The following KIRREL3 variants were observed in gnomAD, a reference collection of about 807,000 sequenced individuals.
The protein encoded by KIRREL3 is kirre like nephrin family adhesion molecule 3.
Under a neutral mutation model 89.7 loss-of-function variants are expected in KIRREL3, and 36 were observed. The ratio of observed to expected loss-of-function variants is 0.40; its 90% confidence interval spans 0.31 to 0.53. The LOEUF is 0.53. Among genes scored for constraint, KIRREL3 ranks in the 20% least tolerant of loss-of-function variants. The pLI, the probability that KIRREL3 is intolerant of heterozygous loss-of-function variation, is 0.49. For missense variants in KIRREL3, 864 were observed against 1,056.6 expected (o/e 0.82, Z 2.53); for synonymous variants, 445 against 441.4 (o/e 1.01, Z -0.10).
intron 1 of KIRREL3, among the ~76,000 whole-genome samples, chr11:126,690,087 T>G (rs1946820552): frequency 6.6e-6 from 1 of 152,180 alleles, no homozygotes; most frequent in Admixed American, 6.5e-5. Context: ...GACTGAGATG[T>G]TTTCCCAGCG....
intron 4 of KIRREL3, among the ~76,000 whole-genome samples, chr11:126,504,079 C>T (rs1425912854): frequency 6.6e-6 from 1 of 152,078 alleles, no homozygotes; most frequent in Non-Finnish European, 1.5e-5. Flanking sequence ...AATGTGAAAC[C>T]ACTCCCCAGA....
In KIRREL3 at chr11:126,784,804, C is replaced by T. The variant is rs117922361; in HGVS notation, c.55+215651G>A. 9.9e-3 allele frequency among the ~76,000 whole-genome samples: 1,515 copies of T among 152,316 alleles called. 11 individuals are homozygous for T. The highest frequency in any genetic ancestry group is 0.017 in the Non-Finnish European group (1,142 of 68,028). ...TACCCTCTATCACCATTTTACTTAGCGCTTGTCCTGCATCTGAACATAGTA... is the reference window on the plus strand; with the variant it reads ...TACCCTCTATCACCATTTTACTTAGTGCTTGTCCTGCATCTGAACATAGTA... On this transcript the variant is annotated intron_variant, in intron 1 of 16. Transcript: ENST00000525144.
At position 126,954,521 on chromosome 11, in the gene KIRREL3, G is replaced by A. The variant is rs565092863; in HGVS notation, c.55+45934C>T. 3.4e-5 allele frequency among the ~76,000 whole-genome samples: 5 copies of A among 149,230 alleles called. No homozygotes were observed. Among genetic ancestry groups the A allele is most frequent in the South Asian group, 4.3e-4 (2 of 4,694 alleles). On this transcript the variant is annotated intron_variant, in intron 1 of 16. Coordinates refer to ENST00000525144, the MANE Select transcript of KIRREL3 (RefSeq NM_032531.4). This position sits in a 1 kb window ranked among gnomAD's most constrained non-coding sequence, Gnocchi z 4.1. ...CTATCTCCCTCCTCCCCATCCCCTC[G>A]TCCTCCTCTAGGCCTTTATCCAAGC...
At chr11:126,799,070 G>A (rs1047135439) in intron 1 of KIRREL3, among the ~76,000 whole-genome samples, 5 of 150,058 alleles carry the variant, frequency 3.3e-5, no homozygotes, top group Non-Finnish European at 7.4e-5. Context: ...GCGTGTGCAC[G>A]TATTCGTGTG....
Position 126,761,892 on chromosome 11 carries a change from G to T in KIRREL3, c.56-198980C>A, listed in dbSNP as rs186379910. ...TGTGAATTTCCTATAATTAAATATAGTTTGGGCTGGGTGAGGTGGCTCAAG... is the reference window on the plus strand; with the variant it reads ...TGTGAATTTCCTATAATTAAATATATTTTGGGCTGGGTGAGGTGGCTCAAG... On this transcript the variant is annotated intron_variant, in intron 1 of 16. Transcript: ENST00000525144. This position sits in a 1 kb window ranked among gnomAD's most constrained non-coding sequence, Gnocchi z 4.4. 6.6e-6 allele frequency among the ~76,000 whole-genome samples: 1 copy of T among 152,198 alleles called. No homozygotes were observed. The highest frequency in any genetic ancestry group is 1.9e-4 in the East Asian group (1 of 5,158).
chr11:126,901,883 G>C (rs901067794), intron 1 of KIRREL3, among the ~76,000 whole-genome samples: 1 of 152,148 alleles, frequency 6.6e-6, no homozygotes, highest in Non-Finnish European at 1.5e-5. Flanking sequence ...AGTTTTCCTG[G>C]AACTAATGCC....
chr11:126,500,888 G>A (rs1443766900), intron 4 of KIRREL3, among the ~76,000 whole-genome samples: 1 of 152,216 alleles, frequency 6.6e-6, no homozygotes, highest in Non-Finnish European at 1.5e-5. Flanking sequence ...CTCTGACCAT[G>A]TGAGGAGTTC....
rs1950056774 is a variant in KIRREL3, at chr11:126,772,759, G to T, written c.56-209847C>A. 6.6e-6 allele frequency among the ~76,000 whole-genome samples: 1 copy of T among 152,212 alleles called. No homozygotes were observed. The highest frequency in any genetic ancestry group is 1.5e-5 in the Non-Finnish European group (1 of 68,044). Reference sequence around the variant, plus strand: ...TGCAGCCTCTGGGGGTGCCATCGTGGTGCCTTCTGCTTCCTCCTGCCCTGA... The same window carrying T: ...TGCAGCCTCTGGGGGTGCCATCGTGTTGCCTTCTGCTTCCTCCTGCCCTGA... On this transcript the variant is annotated intron_variant, in intron 1 of 16. Transcript: ENST00000525144. This position sits in a 1 kb window ranked among gnomAD's most constrained non-coding sequence, Gnocchi z 4.6.
chr11:126,831,370 GCCTC>G (rs1372117267), intron 1 of KIRREL3, among the ~76,000 whole-genome samples: 6 of 151,786 alleles, frequency 4.0e-5, no homozygotes, highest in Admixed American at 3.3e-4. Flanking sequence ...CAATCTCTCT[GCCTC>G]TCTCTGTCTC....
intron 1 of KIRREL3, among the ~76,000 whole-genome samples, chr11:126,785,755 T>G (rs1950467519): frequency 6.6e-6 from 1 of 151,584 alleles, no homozygotes; most frequent in Non-Finnish European, 1.5e-5. Context: ...GCACCTGTAG[T>G]CCCAGCTACT....
chr11:126,936,010 T>C (rs1268809875), intron 1 of KIRREL3: 1 of 152,210 alleles, frequency 6.6e-6, no homozygotes, highest in Non-Finnish European at 1.5e-5. Context: ...ACCTCTGTAC[T>C]TTCTGTTCAA....
intron 1 of KIRREL3, among the ~76,000 whole-genome samples, chr11:126,711,982 C>A (rs1346294638): frequency 1.3e-5 from 2 of 152,216 alleles, no homozygotes; most frequent in South Asian, 4.1e-4. Flanking sequence ...TCCAGGAAGG[C>A]CACTCCACAG....
At chr11:126,834,615 A>C (rs1024329399) in intron 1 of KIRREL3, among the ~76,000 whole-genome samples, 1 of 152,242 alleles carries the variant, frequency 6.6e-6, no homozygotes, top group African/African-American at 2.4e-5. Flanking sequence ...GATTGGTTTG[A>C]AATTCTGACG....
At position 126,601,390 on chromosome 11, in the gene KIRREL3, C is replaced by T. The variant is rs1942649460; in HGVS notation, c.56-38478G>A. On this transcript the variant is annotated intron_variant, in intron 1 of 16. Transcript: ENST00000525144. This position sits in a 1 kb window ranked among gnomAD's most constrained non-coding sequence, Gnocchi z 5.8. ...CGATGGGAACACAGCTCTGGGAGCA[C>T]CTGCAATCTCATCTTGTTTCTTTCC... Among the ~76,000 whole-genome samples, 1 of 152,190 alleles carries T rather than the reference C, an allele frequency of 6.6e-6. No individual in the cohort carries two copies. The highest frequency in any genetic ancestry group is 1.5e-5 in the Non-Finnish European group (1 of 68,038).
In KIRREL3 at chr11:126,687,662, A is replaced by G. The variant is rs569517819; in HGVS notation, c.56-124750T>C. Among the ~76,000 whole-genome samples, 1 of 152,222 alleles carries G rather than the reference A, an allele frequency of 6.6e-6. No individual in the cohort carries two copies. The highest frequency in any genetic ancestry group is 1.5e-5 in the Non-Finnish European group (1 of 68,044). ...ATATTTTTCCCCATTGCTTCATTCA[A>G]CAAATTTACATTGCACTCTCCTACA... On this transcript the variant is annotated intron_variant, in intron 1 of 16. Coordinates refer to ENST00000525144, the MANE Select transcript of KIRREL3 (RefSeq NM_032531.4). This position sits in a 1 kb window ranked among gnomAD's most constrained non-coding sequence, Gnocchi z 4.6.
At chr11:126,654,488 C>T (rs1392321300) in intron 1 of KIRREL3, among the ~76,000 whole-genome samples, 1 of 152,080 alleles carries the variant, frequency 6.6e-6, no homozygotes, top group Non-Finnish European at 1.5e-5. Flanking sequence ...GGGAAGACCT[C>T]TAAGAAAGGG....
At chr11:126,691,375 G>A (rs552773576) in intron 1 of KIRREL3, among the ~76,000 whole-genome samples, 1 of 152,268 alleles carries the variant, frequency 6.6e-6, no homozygotes, top group East Asian at 1.9e-4. Flanking sequence ...AAAACTTGGG[G>A]GCAATACAAA....
chr11:126,853,239 T>G (rs1226530131), intron 1 of KIRREL3, among the ~76,000 whole-genome samples: 2 of 152,220 alleles, frequency 1.3e-5, no homozygotes, highest in Non-Finnish European at 2.9e-5. Context: ...GAATTAAGAT[T>G]TGATCTTTTC....
chr11:126,586,611 T>C (rs1455231924), intron 1 of KIRREL3, among the ~76,000 whole-genome samples: 4 of 152,150 alleles, frequency 2.6e-5, no homozygotes, highest in African/African-American at 7.2e-5. Context: ...AAATTATACA[T>C]AGCAGAAGTC....
Sources: allele counts gnomAD v4.1 joint callset (sites outside exome capture counted in the v4.1 genomes callset), GRCh38; gene constraint gnomAD v4.1.1; non-coding constraint Gnocchi (gnomAD v3.1); transcripts MANE v1.5; gene names NCBI Gene and HGNC (gene_info 2026-07-23, HGNC 2026-07-21).